The following KLK5 variants were observed in gnomAD, a reference collection of about 807,000 sequenced individuals.
The protein encoded by KLK5 is kallikrein-5.
In KLK5, 18 loss-of-function variants were observed where a neutral mutation model predicts 24.0. The ratio of observed to expected loss-of-function variants is 0.75; its 90% CI spans 0.52 to 1.11. The LOEUF is 1.11. Among genes scored for constraint, KLK5 ranks in the 50% most tolerant of loss-of-function variants. The pLI is 0.00. For synonymous variants in KLK5, 140 were observed against 154.0 expected (o/e 0.91, Z 0.67); for missense variants, 374 against 379.2 (o/e 0.99, Z 0.11).
intron 5 of KLK5, among the ~76,000 whole-genome samples, chr19:50,945,516 G>A (rs2090624052): frequency 6.6e-6 from 1 of 151,788 alleles, no homozygotes; most frequent in South Asian, 2.1e-4. Context: ...CTCCCACCTG[G>A]GCACGGTGGC....
At chr19:50,946,484 C>A in intron 5 of KLK5, among the ~76,000 whole-genome samples, 1 of 152,042 alleles carries the variant, frequency 6.6e-6, no homozygotes. Context: ...TCTGGAAAAA[C>A]AAGATACTAA....
At chr19:50,951,569 G>A (rs1457364478) in intron 2 of KLK5, among the ~76,000 whole-genome samples, 2 of 152,128 alleles carry the variant, frequency 1.3e-5, no homozygotes, top group Non-Finnish European at 2.9e-5. Flanking sequence ...ACCGCGCCCG[G>A]CCTGGTTCTT....
intron 2 of KLK5, among the ~76,000 whole-genome samples, chr19:50,951,933 C>G (rs2123582939): frequency 6.6e-6 from 1 of 152,236 alleles, no homozygotes; most frequent in South Asian, 2.1e-4. Context: ...CAGGCAGAGA[C>G]AGAAACTCCA....
At chr19:50,948,536 CCTGA>C in intron 5 of KLK5, 100 bp downstream of exon 5, 1 of 1,146,924 alleles carries the variant, frequency 8.7e-7, no homozygotes, top group Non-Finnish European at 1.3e-6. Context: ...GAACAGGGGT[CCTGA>C]CTGTCTTGGC....
In KLK5 at chr19:50,948,995, G is replaced by A. The variant is rs775396011; in HGVS notation, c.456C>T (p.Asn152=). The A allele has an allele frequency of 1.3e-5, 21 of 1,613,838 alleles. No individual in the cohort carries two copies. The highest frequency in any genetic ancestry group is 4.5e-5 in the East Asian group (2 of 44,890). Residue 152 remains asparagine, a synonymous_variant, in exon 4 of 6, where the codon AAC becomes AAT. Coordinates refer to ENST00000336334, the MANE Select transcript of KLK5 (RefSeq NM_012427.5). ...HPGYSHPGHS[N]DLMLIKLNRR... is the part of the protein sequence containing the mutation. ...TGTTCAGTTTGATGAGCATGAGGTC[G>A]TTAGAGTGGCCAGGGTGGGAGTAGC...
chr19:50,949,544 T>A (rs268901), intron 3 of KLK5, among the ~76,000 whole-genome samples: 55 of 150,638 alleles, frequency 3.7e-4, no homozygotes, highest in African/African-American at 1.3e-3. Flanking sequence ...AACAAATATA[T>A]GCTCCTAACC....
At chr19:50,950,751 G>T (rs944564923) in intron 2 of KLK5, among the ~76,000 whole-genome samples, 9 of 152,066 alleles carry the variant, frequency 5.9e-5, no homozygotes, top group Non-Finnish European at 1.0e-4. Context: ...AATTAGCCAG[G>T]CGTGGTGGCG....
rs116378719 is a variant in KLK5 at position 50,946,380 on chromosome 19, G to A, written c.726+2260C>T. 4.7e-3 allele frequency among the ~76,000 whole-genome samples: 720 copies of A among 152,156 alleles called. 9 individuals are homozygous for A. The highest frequency in any genetic ancestry group is 0.017 in the Middle Eastern group (5 of 292). Reference sequence around the variant, plus strand: ...TTTTTATACTATTGGTATTAGTATTGTTGTAGTTGTTATTATTTCTTGCTT... The same window carrying A: ...TTTTTATACTATTGGTATTAGTATTATTGTAGTTGTTATTATTTCTTGCTT... On this transcript the variant is annotated intron_variant, in intron 5 of 5. Transcript: ENST00000336334.
At position 50,943,411 on chromosome 19, in the gene KLK5, C is replaced by G; in HGVS notation, c.*220G>C. ...GCCCCAGGGAGATTGAGACGCAACC[C>G]CCGCCCTGGACAGTTTTGGAAATTG... On this transcript the variant is annotated 3_prime_UTR_variant, in exon 6 of 6. Transcript: ENST00000336334. 2 of 473,910 alleles carry G rather than the reference C, an allele frequency of 4.2e-6. No individual in the cohort carries two copies. Among genetic ancestry groups the G allele is most frequent in the Non-Finnish European group, 7.5e-6 (2 of 265,720 alleles). The allele number at this position is 473,910 out of a possible 1,614,324, so 29.4% of individuals were successfully genotyped here.
At chr19:50,950,405 C>A in intron 2 of KLK5, 1 of 473,990 alleles carries the variant, frequency 2.1e-6, no homozygotes, top group South Asian at 2.3e-5. Context: ...TGGACAAGCT[C>A]AGGGGTAGTG....
intron 2 of KLK5, 55 bp downstream of exon 2, chr19:50,952,530 C>T (rs933662405): frequency 2.2e-6 from 3 of 1,378,930 alleles, no homozygotes; most frequent in Non-Finnish European, 3.0e-6. Flanking sequence ...CGCTCTAGTG[C>T]CGCAGAGACA....
chr19:50,945,098 G>A (rs867336920), intron 5 of KLK5, among the ~76,000 whole-genome samples: 2,584 of 76,366 alleles, frequency 0.034, 66 homozygotes, highest in African/African-American at 0.099. Context: ...TCCTCCCTTC[G>A]TCTCTTTTTT....
rs149057523 is a variant in KLK5 at position 50,943,883 on chromosome 19, C to G, written c.727-97G>C. ...CCAGAGATGCCCATAGATGGAGAAG[C>G]AGATGGGAACAGACACACAGAGATG... On this transcript the variant is annotated intron_variant, in intron 5 of 5. Transcript: ENST00000336334. 351 of 845,282 alleles carry G rather than the reference C, an allele frequency of 4.2e-4. 1 individual carries two copies. In the African/African-American group the frequency reaches 5.5e-3, roughly 13 times the overall value. 52.4% of individuals were successfully genotyped at this position (845,282 alleles called of 1,614,324 possible).
At chr19:50,945,213 A>G (rs2090621652) in intron 5 of KLK5, among the ~76,000 whole-genome samples, 1 of 150,796 alleles carries the variant, frequency 6.6e-6, no homozygotes, top group Non-Finnish European at 1.5e-5. Flanking sequence ...GGCTCAAGCA[A>G]TTCTCCCACC....
chr19:50,946,348 G>A (rs2090633742), intron 5 of KLK5, among the ~76,000 whole-genome samples: 1 of 152,114 alleles, frequency 6.6e-6, no homozygotes, highest in Admixed American at 6.5e-5. Context: ...TTAGCCAGAT[G>A]CTATTATTTT....
chr19:50,945,073 T>TTCTTTCTCCTTCCTTCCTC (rs2090620371), intron 5 of KLK5, among the ~76,000 whole-genome samples: 8 of 128,988 alleles, frequency 6.2e-5, no homozygotes, highest in African/African-American at 2.0e-4. Context: ...CTTCCTTCCT[T>TTCTTTCTCCTTCCTTCCTC]CCTTTCTCTC....
chr19:50,944,044 C>T (rs1268000207), intron 5 of KLK5, among the ~76,000 whole-genome samples: 2 of 151,606 alleles, frequency 1.3e-5, no homozygotes, highest in Non-Finnish European at 2.9e-5. Flanking sequence ...TACTCTGTTG[C>T]CCAGGTTGGA....
chr19:50,943,882 G>T, intron 5 of KLK5, 96 bp from the exon 6 acceptor site: 2 of 911,030 alleles, frequency 2.2e-6, no homozygotes, highest in Non-Finnish European at 3.3e-6. Flanking sequence ...AGATGGAGAA[G>T]CAGATGGGAA....
At chr19:50,944,854 T>C (rs2090616765) in intron 5 of KLK5, among the ~76,000 whole-genome samples, 1 of 152,198 alleles carries the variant, frequency 6.6e-6, no homozygotes, top group African/African-American at 2.4e-5. Flanking sequence ...TTGTGTTTCC[T>C]GTCTTCAATT....
Sources: gnomAD v4.1 joint callset for allele counts (sites outside exome capture counted in the v4.1 genomes callset) on GRCh38, gnomAD v4.1.1 for gene constraint, MANE v1.5 for transcripts, NCBI Gene and HGNC (gene_info 2026-07-23, HGNC 2026-07-21) for gene names.